The following ITPR1 variants were observed in gnomAD, a reference collection of about 807,000 sequenced individuals.
ITPR1 encodes the protein inositol 1,4,5-trisphosphate receptor type 1, also known as inositol 1,4,5-trisphosphate-gated calcium channel ITPR1.
In ITPR1, 96 loss-of-function variants were observed where a neutral mutation model predicts 318.4. That is an observed-to-expected ratio of 0.30 (90% CI 0.26 to 0.36). The LOEUF is 0.36. Ranked by LOEUF, ITPR1 falls within the 10% of genes least tolerant of loss-of-function variation. ITPR1 has a pLI of 1.00. For missense variants in ITPR1, 2,440 were observed against 3,460.2 expected (o/e 0.71, Z 7.40); for synonymous variants, 1,312 against 1,289.9 (o/e 1.02, Z -0.37).
intron 16 of ITPR1, among the ~76,000 whole-genome samples, chr3:4,663,992 A>ATGGC (rs1420071078): frequency 6.6e-6 from 1 of 152,216 alleles, no homozygotes; most frequent in East Asian, 1.9e-4. Context: ...GTTCAGTTCA[A>ATGGC]TTGATTTTTA....
intron 55 of ITPR1, among the ~76,000 whole-genome samples, chr3:4,807,126 GGGCTT>G (rs1333454058): frequency 4.4e-4 from 1 of 2,264 alleles, no homozygotes; most frequent in Non-Finnish European, 1.2e-3. Context: ...AAAGAGAGGG[GGGCTT>G]ACAAAGAGAG....
chr3:4,620,884 C>T (rs189235292), intron 4 of ITPR1, among the ~76,000 whole-genome samples: 6 of 152,034 alleles, frequency 3.9e-5, no homozygotes, highest in Non-Finnish European at 7.4e-5. Context: ...CCTCAACTTT[C>T]CTCCTCTCCA....
At chr3:4,543,192 C>A (rs2084632069) in intron 4 of ITPR1, among the ~76,000 whole-genome samples, 1 of 151,730 alleles carries the variant, frequency 6.6e-6, no homozygotes, top group African/African-American at 2.4e-5. Context: ...ATTGCTTGAC[C>A]CCAAGGCTGC....
intron 4 of ITPR1, chr3:4,596,256 G>A (rs2090808014): frequency 6.6e-6 from 1 of 152,020 alleles, no homozygotes; most frequent in Non-Finnish European, 1.5e-5. Flanking sequence ...TATTGTAAAC[G>A]GTCTGACTTT....
Position 4,814,326 on chromosome 3 carries a change from TGCCTGGTGA to T in ITPR1, c.7562-95_7562-87del, listed in dbSNP as rs1365076383. On this transcript the variant is annotated intron_variant, in intron 57 of 61. Coordinates refer to ENST00000649015, the MANE Select transcript of ITPR1 (RefSeq NM_001378452.1). ...GATTCCTTAATTTTATTCTTTCGTGTGCCTGGTGAGATGGCATTCAGGAAACAGGATTTC... is the reference window on the plus strand; with the variant it reads ...GATTCCTTAATTTTATTCTTTCGTGTGATGGCATTCAGGAAACAGGATTTC... The T allele has an allele frequency of 2.0e-5, 25 of 1,263,460 alleles. No homozygotes were observed. In the Admixed American group the frequency reaches 4.2e-4, roughly 21 times the overall value. The allele number at this position is 1,263,460 out of a possible 1,614,324, so 78.3% of individuals were successfully genotyped here.
At chr3:4,786,015 C>T (rs975966638) in intron 51 of ITPR1, among the ~76,000 whole-genome samples, 1 of 152,198 alleles carries the variant, frequency 6.6e-6, no homozygotes, top group African/African-American at 2.4e-5. Flanking sequence ...AATGTCTTCA[C>T]TCTGGTGAAC....
chr3:4,735,946 A>C (rs2043234822), intron 44 of ITPR1, among the ~76,000 whole-genome samples: 1 of 152,164 alleles, frequency 6.6e-6, no homozygotes, highest in African/African-American at 2.4e-5. Context: ...AATAATAAAA[A>C]CTCAAATTCT....
chr3:4,819,078 T>TACC (rs1434542276), intron 60 of ITPR1, among the ~76,000 whole-genome samples: 1 of 152,186 alleles, frequency 6.6e-6, no homozygotes, highest in Non-Finnish European at 1.5e-5. Context: ...GATAATGACT[T>TACC]ACCCTAAAGG....
chr3:4,831,129 TCTCA>T (rs1456887989), intron 60 of ITPR1: 2 of 318,770 alleles, frequency 6.3e-6, no homozygotes, highest in African/African-American at 5.4e-5. Flanking sequence ...TCTCTCTCTC[TCTCA>T]CACACACACA....
chr3:4,505,760 A>G (rs144618791), intron 2 of ITPR1, among the ~76,000 whole-genome samples: 263 of 152,286 alleles, frequency 1.7e-3, no homozygotes, highest in African/African-American at 6.0e-3. Flanking sequence ...AGATGCTGGC[A>G]TTCACTCCTC....
chr3:4,647,800 C>A (rs901133395), intron 10 of ITPR1, among the ~76,000 whole-genome samples: 6 of 152,092 alleles, frequency 3.9e-5, no homozygotes, highest in Non-Finnish European at 7.4e-5. Flanking sequence ...AATGTTTGTT[C>A]AGATAGTTTG....
chr3:4,727,858 G>C (rs979671525), intron 42 of ITPR1, among the ~76,000 whole-genome samples: 2 of 152,220 alleles, frequency 1.3e-5, no homozygotes, highest in Non-Finnish European at 2.9e-5. Flanking sequence ...TTACAGGTGT[G>C]TGCCACCATG....
At chr3:4,639,683 T>C (rs529616376) in intron 6 of ITPR1, among the ~76,000 whole-genome samples, 33 of 152,326 alleles carry the variant, frequency 2.2e-4, no homozygotes, top group African/African-American at 7.9e-4. Flanking sequence ...TCTACTTCTC[T>C]CTGTCTGTGG....
intron 4 of ITPR1, among the ~76,000 whole-genome samples, chr3:4,589,968 C>G (rs1445225205): frequency 6.6e-6 from 1 of 152,066 alleles, no homozygotes; most frequent in East Asian, 1.9e-4. Flanking sequence ...TTTCCTGTTC[C>G]CTGCACACAG....
At chr3:4,549,147 A>G (rs373538451) in intron 4 of ITPR1, among the ~76,000 whole-genome samples, 8 of 152,386 alleles carry the variant, frequency 5.2e-5, no homozygotes, top group African/African-American at 1.9e-4. Context: ...AAATGTTTAC[A>G]AAGAAACTTC....
At chr3:4,599,884 C>G (rs1321695458) in intron 4 of ITPR1, among the ~76,000 whole-genome samples, 2 of 152,128 alleles carry the variant, frequency 1.3e-5, no homozygotes, top group Admixed American at 1.3e-4. Context: ...TCAGTTTTGA[C>G]GTATGTATGA....
At chr3:4,575,600 T>A (rs928531448) in intron 4 of ITPR1, among the ~76,000 whole-genome samples, 2 of 152,098 alleles carry the variant, frequency 1.3e-5, no homozygotes, top group African/African-American at 4.8e-5. Flanking sequence ...TTTGTTATTG[T>A]GAAATATTTA....
intron 52 of ITPR1, among the ~76,000 whole-genome samples, chr3:4,789,647 T>A (rs1334698005): frequency 1.3e-5 from 2 of 151,980 alleles, no homozygotes; most frequent in African/African-American, 4.8e-5. Context: ...TGAGACAGAG[T>A]CTTGGTCTGT....
chr3:4,672,569 T>TC (rs1298321255), intron 20 of ITPR1, among the ~76,000 whole-genome samples: 2 of 152,232 alleles, frequency 1.3e-5, no homozygotes, highest in East Asian at 1.9e-4. Context: ...TTGGTCAGGT[T>TC]CCAGTTAACA....
Sources: allele counts gnomAD v4.1 joint callset (sites outside exome capture counted in the v4.1 genomes callset), GRCh38; gene constraint gnomAD v4.1.1; transcripts MANE v1.5; gene names NCBI Gene and HGNC (gene_info 2026-07-23, HGNC 2026-07-21).